Variants in CAB39 observed in about 807,000 individuals in gnomAD.
CAB39 encodes calcium-binding protein 39.
Under a neutral mutation model 40.0 loss-of-function variants are expected in CAB39, and 8 were observed. The ratio of observed to expected loss-of-function variants is 0.20; its 90% confidence interval spans 0.12 to 0.36. The LOEUF (loss-of-function observed/expected upper bound fraction) is 0.36. Among genes scored for constraint, CAB39 ranks in the 10% least tolerant of loss-of-function variants. The pLI is 1.00. For missense variants in CAB39, 270 were observed against 401.1 expected, an observed-to-expected ratio of 0.67 and a Z score of 2.79; for synonymous variants, 156 against 141.6, an observed-to-expected ratio of 1.10 and a Z score of -0.72.
chr2:230,770,333 G>T (rs1354402757), intron 2 of CAB39, among the ~76,000 whole-genome samples: 3 of 152,154 alleles, frequency 2.0e-5, no homozygotes, highest in Non-Finnish European at 2.9e-5. Flanking sequence ...GGGAATATAT[G>T]AACAACTGCA....
intron 4 of CAB39, among the ~76,000 whole-genome samples, chr2:230,795,673 C>T (rs1695974418): frequency 6.6e-6 from 1 of 152,164 alleles, no homozygotes; most frequent in Non-Finnish European, 1.5e-5. Flanking sequence ...ATTGACCTTT[C>T]ACCTCCTGGT....
chr2:230,759,938 G>A, intron 1 of CAB39, 21 bp from the exon 2 acceptor site: 1 of 810,140 alleles, frequency 1.2e-6, no homozygotes, highest in Non-Finnish European at 2.1e-6. Flanking sequence ...TTGCTCACAT[G>A]AACCTTGTGC....
At chr2:230,754,516 T>C (rs937848283) in intron 1 of CAB39, among the ~76,000 whole-genome samples, 2 of 148,410 alleles carry the variant, frequency 1.3e-5, no homozygotes, top group East Asian at 2.0e-4. Context: ...CATCCCTCCT[T>C]CTCCTCCTCT....
intron 1 of CAB39, among the ~76,000 whole-genome samples, chr2:230,728,341 A>G (rs111293397): frequency 0.054 from 8,283 of 152,238 alleles, 770 homozygotes; most frequent in African/African-American, 0.19. Context: ...ATTACAAAGG[A>G]TGAAAACTAT....
At chr2:230,754,789 G>A (rs1156386617) in intron 1 of CAB39, among the ~76,000 whole-genome samples, 1 of 152,190 alleles carries the variant, frequency 6.6e-6, no homozygotes, top group Non-Finnish European at 1.5e-5. Context: ...AAAATGGTGG[G>A]ATTACAGGCA....
At chr2:230,783,328 G>C (rs998967214) in intron 2 of CAB39, among the ~76,000 whole-genome samples, 5 of 152,182 alleles carry the variant, frequency 3.3e-5, no homozygotes, top group Non-Finnish European at 5.9e-5. Flanking sequence ...TTGTTAGGAA[G>C]ACATCTGCTT....
chr2:230,772,340 A>G (rs116489085), intron 2 of CAB39, among the ~76,000 whole-genome samples: 3 of 152,342 alleles, frequency 2.0e-5, no homozygotes, highest in Non-Finnish European at 2.9e-5. Flanking sequence ...TGTGTAGTAA[A>G]ACCATAAGGA....
intron 1 of CAB39, among the ~76,000 whole-genome samples, chr2:230,746,560 A>G (rs1022155050): frequency 6.6e-6 from 1 of 152,242 alleles, no homozygotes; most frequent in African/African-American, 2.4e-5. Flanking sequence ...GTTTATATTC[A>G]TGGTATAAAC....
intron 1 of CAB39, among the ~76,000 whole-genome samples, chr2:230,748,907 A>C (rs1292188159): frequency 7.6e-6 from 1 of 132,394 alleles, no homozygotes; most frequent in South Asian, 2.5e-4. Flanking sequence ...CTTATTAGCT[A>C]TGAATCTCCT....
rs570553332 is a variant in CAB39 at position 230,729,817 on chromosome 2, A to C, written c.-44+16587A>C. 3.9e-5 allele frequency among the ~76,000 whole-genome samples: 6 copies of C among 152,228 alleles called. No homozygotes were observed. The South Asian group carries it at 1.2e-3, about 32-fold the overall frequency. ...ATTTAATAATTGGTAGCACTTGGCT[A>C]TGAAAAATCTTGAGCGAAAACCTCA... is the stretch of plus-strand genomic sequence containing the variant. On this transcript the variant is annotated intron_variant, in intron 1 of 8. Coordinates refer to ENST00000258418, the MANE Select transcript of CAB39 (RefSeq NM_016289.4).
intron 1 of CAB39, among the ~76,000 whole-genome samples, chr2:230,741,583 C>G (rs946837658): frequency 8.5e-5 from 13 of 152,268 alleles, no homozygotes; most frequent in African/African-American, 1.2e-4. Flanking sequence ...TCAAGCAGTC[C>G]TCCTGCCTCA....
chr2:230,756,753 C>T (rs747839656), intron 1 of CAB39, among the ~76,000 whole-genome samples: 4 of 151,082 alleles, frequency 2.6e-5, no homozygotes, highest in South Asian at 2.1e-4. Flanking sequence ...AGTGCAGTGG[C>T]GTGATCTTAG....
intron 8 of CAB39, 93 bp from the exon 9 acceptor site, chr2:230,818,423 G>A (rs963526405): frequency 3.0e-6 from 3 of 1,002,024 alleles, no homozygotes; most frequent in Non-Finnish European, 4.5e-6. Flanking sequence ...TCCCAGGAGA[G>A]CACAGCTCTG....
intron 2 of CAB39, among the ~76,000 whole-genome samples, 157 bp downstream of exon 2, chr2:230,760,272 C>T (rs1695266901): frequency 6.6e-6 from 1 of 152,116 alleles, no homozygotes; most frequent in Non-Finnish European, 1.5e-5. Flanking sequence ...ACTTTTTCTT[C>T]TGTATTTTCG....
At chr2:230,759,873 G>A (rs916390207) in intron 1 of CAB39, 86 bp from the exon 2 acceptor site, 6 of 533,474 alleles carry the variant, frequency 1.1e-5, no homozygotes, top group African/African-American at 1.9e-5. Context: ...GCCTAAACAC[G>A]GGTTTTCTTC....
intron 2 of CAB39, among the ~76,000 whole-genome samples, chr2:230,774,122 T>A (rs1009747721): frequency 1.3e-5 from 2 of 152,252 alleles, no homozygotes; most frequent in African/African-American, 4.8e-5. Flanking sequence ...TTTGACTCAT[T>A]ATATTAGAGT....
intron 5 of CAB39, among the ~76,000 whole-genome samples, chr2:230,803,939 A>C (rs1696140939): frequency 6.6e-6 from 1 of 152,224 alleles, no homozygotes; most frequent in Non-Finnish European, 1.5e-5. Flanking sequence ...CCGCATTGCC[A>C]AGACAATCGT....
intron 4 of CAB39, among the ~76,000 whole-genome samples, chr2:230,798,045 A>G (rs373751069): frequency 2.0e-5 from 3 of 152,100 alleles, no homozygotes; most frequent in African/African-American, 7.2e-5. Context: ...TGCTTGGCTG[A>G]GAGGTGTCTC....
chr2:230,764,250 G>GT (rs1447086326), intron 2 of CAB39, among the ~76,000 whole-genome samples: 2 of 152,144 alleles, frequency 1.3e-5, no homozygotes, highest in East Asian at 3.8e-4. Flanking sequence ...CAACCATTCT[G>GT]TTTTTCACTT....
Sources: allele counts gnomAD v4.1 joint callset (sites outside exome capture counted in the v4.1 genomes callset), GRCh38; gene constraint gnomAD v4.1.1; transcripts MANE v1.5; gene names NCBI Gene and HGNC (gene_info 2026-07-23, HGNC 2026-07-21).